PARD3: variants seen among roughly 807,000 people sequenced by gnomAD.
The protein encoded by PARD3 is partitioning defective 3 homolog.
Under a neutral mutation model 155.4 loss-of-function variants are expected in PARD3, and 75 were observed. The ratio of observed to expected loss-of-function variants is 0.48; its 90% CI spans 0.40 to 0.58. The LOEUF is 0.58. Among genes scored for constraint, PARD3 ranks in the 20% least tolerant of loss-of-function variants. The probability of loss-of-function intolerance (pLI) is 0.00; values close to 1 mark genes in which losing one functional copy is unlikely to be tolerated. For missense variants in PARD3, 1,642 were observed against 1,721.7 expected, an observed-to-expected ratio of 0.95 and a Z score of 0.82; for synonymous variants, 576 against 610.5, an observed-to-expected ratio of 0.94 and a Z score of 0.83.
intron 2 of PARD3, among the ~76,000 whole-genome samples, chr10:34,677,087 C>T (rs191896076): frequency 6.3e-4 from 96 of 152,186 alleles, no homozygotes; most frequent in African/African-American, 2.1e-3. Flanking sequence ...GCAGTTTCTG[C>T]GGAAGGAAGT....
chr10:34,755,520 A>G (rs965233121), intron 1 of PARD3, among the ~76,000 whole-genome samples: 8 of 152,160 alleles, frequency 5.3e-5, no homozygotes, highest in African/African-American at 1.7e-4. Flanking sequence ...TAGCAACTTG[A>G]GAGGTCATAA....
chr10:34,631,790 G>A (rs945819180), intron 2 of PARD3, among the ~76,000 whole-genome samples: 1 of 152,160 alleles, frequency 6.6e-6, no homozygotes, highest in East Asian at 1.9e-4. Flanking sequence ...TAAAAACGAG[G>A]TCTTACCATG....
intron 2 of PARD3, among the ~76,000 whole-genome samples, chr10:34,606,965 T>TTAAAA (rs1554785275): frequency 8.7e-6 from 1 of 114,836 alleles, no homozygotes; most frequent in East Asian, 2.6e-4. Flanking sequence ...GACTCTGTCT[T>TTAAAA]AAAAAAAAAA....
chr10:34,766,483 C>T (rs75544309), intron 1 of PARD3, among the ~76,000 whole-genome samples: 3,616 of 152,218 alleles, frequency 0.024, 148 homozygotes, highest in African/African-American at 0.083. Flanking sequence ...ACATTTGCTA[C>T]TAGCCCCAAA....
chr10:34,666,329 T>C (rs2093470525), intron 2 of PARD3, among the ~76,000 whole-genome samples: 1 of 152,128 alleles, frequency 6.6e-6, no homozygotes, highest in Non-Finnish European at 1.5e-5. Flanking sequence ...ACATGGCTGA[T>C]CAAGCAGCCA....
At chr10:34,466,178 T>A (rs1341524431) in intron 4 of PARD3, among the ~76,000 whole-genome samples, 1 of 151,996 alleles carries the variant, frequency 6.6e-6, no homozygotes, top group East Asian at 1.9e-4. Flanking sequence ...AAGCCACAAC[T>A]CCCTTACCCT....
chr10:34,650,546 T>C (rs955377784), intron 2 of PARD3, among the ~76,000 whole-genome samples: 5 of 150,508 alleles, frequency 3.3e-5, no homozygotes, highest in Non-Finnish European at 5.9e-5. Context: ...GAAGTGGACA[T>C]TTTTTTTTAA....
chr10:34,710,954 T>A (rs890218657), intron 1 of PARD3, among the ~76,000 whole-genome samples: 2 of 152,036 alleles, frequency 1.3e-5, no homozygotes, highest in Non-Finnish European at 2.9e-5. Flanking sequence ...GGCAGGAGCA[T>A]CACTCGATGC....
intron 22 of PARD3, among the ~76,000 whole-genome samples, chr10:34,184,698 G>GTTTTT (rs9336860): frequency 7.4e-6 from 1 of 135,034 alleles, no homozygotes; most frequent in African/African-American, 2.8e-5. Flanking sequence ...AGGCCTTTCG[G>GTTTTT]TTTTTTTTTT....
intron 22 of PARD3, among the ~76,000 whole-genome samples, chr10:34,140,843 T>C (rs1487937559): frequency 6.6e-6 from 1 of 152,218 alleles, no homozygotes; most frequent in Non-Finnish European, 1.5e-5. Context: ...CCACATTAAT[T>C]ATGCATGCAA....
chr10:34,409,330 C>T (rs1844815469), intron 5 of PARD3, among the ~76,000 whole-genome samples: 1 of 152,092 alleles, frequency 6.6e-6, no homozygotes, highest in African/African-American at 2.4e-5. Flanking sequence ...TAAGTCTTCT[C>T]ATTGATTATT....
chr10:34,661,262 G>A (rs1409751363), intron 2 of PARD3, among the ~76,000 whole-genome samples: 2 of 152,126 alleles, frequency 1.3e-5, no homozygotes, highest in Non-Finnish European at 2.9e-5. Context: ...TGCATTTCTT[G>A]TACCCAATGT....
intron 3 of PARD3, among the ~76,000 whole-genome samples, chr10:34,476,650 G>A (rs1039858112): frequency 5.3e-5 from 8 of 152,024 alleles, no homozygotes; most frequent in African/African-American, 1.9e-4. Context: ...AAAAAGGTGC[G>A]AGTACACATA....
rs1311139689 is a variant in PARD3, at chr10:34,171,580, AC to A, written c.3420-39998del. Among the ~76,000 whole-genome samples the A allele has an allele frequency of 5.3e-5, 8 of 152,040 alleles. No homozygotes were observed. In the South Asian group the frequency reaches 1.7e-3, roughly 32 times the overall value. The stretch of plus-strand genomic sequence containing the variant: ...ACGCATGAGACTACATGGTCCTCCT[AC>A]CCCTCCTGTCCTCCCTCAGATGTCA... On this transcript the variant is annotated intron_variant, in intron 22 of 24. Transcript: ENST00000374788.
rs1192886596 is a variant in PARD3, at chr10:34,346,991, A to C, written c.2218+974T>G. On this transcript the variant is annotated intron_variant, in intron 15 of 24. Coordinates refer to ENST00000374788, the MANE Select transcript of PARD3 (RefSeq NM_001184785.2). ...TTGTATCTACAGCAACAGTATATACACAATGTCTTGCCAATAGCATGCTTT... is the reference window on the plus strand; with the variant it reads ...TTGTATCTACAGCAACAGTATATACCCAATGTCTTGCCAATAGCATGCTTT... 9.8e-5 allele frequency among the ~76,000 whole-genome samples: 15 copies of C among 152,368 alleles called. No individual in the cohort carries two copies. In the South Asian group the frequency reaches 1.2e-3, roughly 13 times the overall value.
chr10:34,483,576 G>A (rs1300261289), intron 3 of PARD3, among the ~76,000 whole-genome samples: 1 of 151,284 alleles, frequency 6.6e-6, no homozygotes, highest in Non-Finnish European at 1.5e-5. Flanking sequence ...CCTCATATAT[G>A]TGCTGAGTAG....
intron 6 of PARD3, 103 bp downstream of exon 6, chr10:34,401,723 C>T: frequency 1.2e-6 from 1 of 808,610 alleles, no homozygotes; most frequent in Non-Finnish European, 2.2e-6. Flanking sequence ...ATGTTTTTAA[C>T]TAAGCACAAA....
At chr10:34,814,765 T>A in intron 1 of PARD3, 111 bp downstream of exon 1, 1 of 985,940 alleles carries the variant, frequency 1.0e-6, no homozygotes, top group Non-Finnish European at 1.4e-6. Flanking sequence ...GGCCGCACTT[T>A]CCCTTTCCCC....
At chr10:34,605,517 ATATCTCC>A (rs1430706130) in intron 2 of PARD3, among the ~76,000 whole-genome samples, 2 of 62,020 alleles carry the variant, frequency 3.2e-5, no homozygotes, top group African/African-American at 1.1e-4. Flanking sequence ...ATATATATAT[ATATCTCC>A]TATATATATC....
Sources: gnomAD v4.1 joint callset for allele counts (sites outside exome capture counted in the v4.1 genomes callset) on GRCh38, gnomAD v4.1.1 for gene constraint, MANE v1.5 for transcripts, NCBI Gene and HGNC (gene_info 2026-07-23, HGNC 2026-07-21) for gene names.